Variants in CDH12 observed in about 807,000 individuals in gnomAD.
CDH12 encodes cadherin 12, also known as cadherin-12.
Under a neutral mutation model 74.1 loss-of-function variants are expected in CDH12, and 41 were observed. The ratio of observed to expected loss-of-function variants is 0.55; its 90% CI spans 0.43 to 0.72. CDH12 has a LOEUF of 0.72. CDH12 is among the 30% of genes least tolerant of loss of function. The pLI is 0.00. For synonymous variants in CDH12, 399 were observed against 355.0 expected (o/e 1.12, Z -1.39); for missense variants, 945 against 977.2 (o/e 0.97, Z 0.44).
intron 6 of CDH12, among the ~76,000 whole-genome samples, chr5:21,925,409 G>A (rs1410775944): frequency 2.0e-5 from 3 of 152,080 alleles, no homozygotes; most frequent in African/African-American, 4.8e-5. Flanking sequence ...ACATATCCAC[G>A]TGATGTGACT....
chr5:22,543,379 A>G (rs566340738), intron 1 of CDH12, among the ~76,000 whole-genome samples: 1 of 152,236 alleles, frequency 6.6e-6, no homozygotes, highest in East Asian at 1.9e-4. Flanking sequence ...CCCATTTATT[A>G]CTGATTATAA....
At chr5:22,528,278 G>A (rs150032437) in intron 1 of CDH12, among the ~76,000 whole-genome samples, 2 of 152,072 alleles carry the variant, frequency 1.3e-5, no homozygotes, top group African/African-American at 2.4e-5. Flanking sequence ...CTGTGAGTAG[G>A]GGGGGTTGCT....
chr5:22,116,380 C>T (rs953900202), intron 4 of CDH12, among the ~76,000 whole-genome samples: 10 of 152,034 alleles, frequency 6.6e-5, no homozygotes, highest in Non-Finnish European at 1.3e-4. Flanking sequence ...CCGAGACGGG[C>T]GGGTCACGAG....
Position 22,487,637 on chromosome 5 carries a change from A to T in CDH12, c.-428+17633T>A, listed in dbSNP as rs566239962. 9.8e-5 allele frequency among the ~76,000 whole-genome samples: 15 copies of T among 152,344 alleles called. No individual in the cohort carries two copies. In the East Asian group the frequency reaches 2.5e-3, roughly 25 times the overall value. On this transcript the variant is annotated intron_variant, in intron 2 of 14. Coordinates refer to ENST00000382254, the MANE Select transcript of CDH12 (RefSeq NM_004061.5). Reference sequence around the variant, plus strand: ...CTAGGAGCTGTAAAAATGTATGTCAATATATAAATTAGAGATGCAATATCA... The same window carrying T: ...CTAGGAGCTGTAAAAATGTATGTCATTATATAAATTAGAGATGCAATATCA...
At chr5:22,359,092 A>C (rs1290685197) in intron 3 of CDH12, among the ~76,000 whole-genome samples, 2 of 152,156 alleles carry the variant, frequency 1.3e-5, no homozygotes, top group Non-Finnish European at 2.9e-5. Context: ...TTAACCTTAA[A>C]TGTAAATGGG....
At position 22,302,798 on chromosome 5, in the gene CDH12, A is replaced by T. The variant is rs191421317; in HGVS notation, c.-332-90155T>A. Among the ~76,000 whole-genome samples, 621 of 152,264 alleles carry T rather than the reference A, an allele frequency of 4.1e-3. 9 individuals are homozygous for T. The highest frequency in any genetic ancestry group is 0.014 in the African/African-American group (590 of 41,578). ...ATTGTTTGAAAGAGAATAATTCTTT[A>T]AAAATAAGAAATCATCATGAATGTT... On this transcript the variant is annotated intron_variant, in intron 3 of 14. Transcript: ENST00000382254.
intron 3 of CDH12, among the ~76,000 whole-genome samples, chr5:22,326,181 A>G (rs1035805722): frequency 1.3e-5 from 2 of 152,128 alleles, no homozygotes; most frequent in African/African-American, 2.4e-5. Flanking sequence ...CATTCTCTCA[A>G]TCAAGGATTT....
At chr5:21,947,014 TAA>T (rs1755608176) in intron 6 of CDH12, among the ~76,000 whole-genome samples, 2 of 152,310 alleles carry the variant, frequency 1.3e-5, no homozygotes, top group South Asian at 4.1e-4. Flanking sequence ...CTGATGGTTT[TAA>T]AAGTGTTTGA....
In CDH12 at chr5:22,841,600, TAGAC is replaced by T. The variant is rs745884207; in HGVS notation, c.-523+11454_-523+11457del. On this transcript the variant is annotated intron_variant, in intron 1 of 14. Transcript: ENST00000382254. ...AGATCTCTAAGGGCGTGGGTGTAGATAGACAGGAGAAAACTAATGCTGCTCCAAC... is the reference window on the plus strand; with the variant it reads ...AGATCTCTAAGGGCGTGGGTGTAGATAGGAGAAAACTAATGCTGCTCCAAC... 1.2e-4 allele frequency among the ~76,000 whole-genome samples: 19 copies of T among 152,038 alleles called. 1 individual carries two copies. In the East Asian group the frequency reaches 1.7e-3, roughly 14 times the overall value.
At chr5:22,377,625 C>T (rs1741590046) in intron 3 of CDH12, among the ~76,000 whole-genome samples, 1 of 152,202 alleles carries the variant, frequency 6.6e-6, no homozygotes, top group Non-Finnish European at 1.5e-5. Flanking sequence ...CCTTCCTGGG[C>T]ATCTGGATTC....
chr5:22,769,136 G>C (rs1187334027), intron 1 of CDH12, among the ~76,000 whole-genome samples: 3 of 152,098 alleles, frequency 2.0e-5, no homozygotes, highest in African/African-American at 7.2e-5. Flanking sequence ...GGGATGCCTA[G>C]ATTGCTGCTA....
At chr5:22,457,223 A>C (rs1407338938) in intron 2 of CDH12, among the ~76,000 whole-genome samples, 1 of 152,132 alleles carries the variant, frequency 6.6e-6, no homozygotes, top group East Asian at 1.9e-4. Flanking sequence ...GCTGTGACAA[A>C]ATACTACAAA....
rs139583508 is a variant in CDH12 at position 21,753,831 on chromosome 5, T to G, written c.1886-1595A>C. Reference sequence around the variant, plus strand: ...CCTGAGCAGATTACTTGCTACAGTGTATGACGGCCAGAACATACCAAGCCA... The same window carrying G: ...CCTGAGCAGATTACTTGCTACAGTGGATGACGGCCAGAACATACCAAGCCA... On this transcript the variant is annotated intron_variant, in intron 14 of 14. Transcript: ENST00000382254. 4.5e-4 allele frequency among the ~76,000 whole-genome samples: 68 copies of G among 152,298 alleles called. 1 individual carries two copies. In the East Asian group the frequency reaches 0.012, roughly 26 times the overall value.
At chr5:22,463,376 G>T (rs2551487) in intron 2 of CDH12, among the ~76,000 whole-genome samples, 65,037 of 151,774 alleles carry the variant, frequency 0.43, 14,386 homozygotes, top group Admixed American at 0.61. Context: ...TTTAAATATA[G>T]TCATAGTTTT....
intron 1 of CDH12, among the ~76,000 whole-genome samples, chr5:22,550,841 C>T (rs768934974): frequency 8.5e-5 from 13 of 152,180 alleles, no homozygotes; most frequent in Non-Finnish European, 1.3e-4. Context: ...GTTCTGCCTC[C>T]TCTCTGCTTC....
intron 3 of CDH12, among the ~76,000 whole-genome samples, chr5:22,231,707 C>A (rs890698765): frequency 1.3e-5 from 2 of 151,896 alleles, no homozygotes; most frequent in African/African-American, 4.8e-5. Flanking sequence ...TTAAAAATGA[C>A]CTCCAAATAA....
intron 3 of CDH12, among the ~76,000 whole-genome samples, chr5:22,320,736 T>C (rs1318575876): frequency 6.6e-6 from 1 of 152,228 alleles, no homozygotes; most frequent in African/African-American, 2.4e-5. Flanking sequence ...AATTGTACAG[T>C]GATGACTATC....
intron 1 of CDH12, among the ~76,000 whole-genome samples, chr5:22,555,330 A>G (rs1182065462): frequency 6.6e-6 from 1 of 152,078 alleles, no homozygotes. Context: ...TAAACTCAAT[A>G]CTTCCAAACT....
At chr5:22,429,620 G>A (rs1289203187) in intron 2 of CDH12, among the ~76,000 whole-genome samples, 2 of 152,038 alleles carry the variant, frequency 1.3e-5, no homozygotes, top group Admixed American at 1.3e-4. Context: ...GCATAGTGTT[G>A]TATTATCACT....
Sources: allele counts gnomAD v4.1 joint callset (sites outside exome capture counted in the v4.1 genomes callset), GRCh38; gene constraint gnomAD v4.1.1; transcripts MANE v1.5; gene names NCBI Gene and HGNC (gene_info 2026-07-23, HGNC 2026-07-21).